Variants in UBE2D2 observed in about 807,000 individuals in gnomAD.
The protein encoded by UBE2D2 is ubiquitin conjugating enzyme E2 D2, also known as ubiquitin-conjugating enzyme E2 D2.
Under a neutral mutation model 24.2 loss-of-function variants are expected in UBE2D2, and 2 were observed. The observed-to-expected ratio is 0.08, with a 90% CI of 0.03 to 0.26. The LOEUF (loss-of-function observed/expected upper bound fraction) is 0.26. Ranked by LOEUF, UBE2D2 falls within the 10% of genes least tolerant of loss-of-function variation. The probability of loss-of-function intolerance (pLI) is 1.00; values close to 1 mark genes in which losing one functional copy is unlikely to be tolerated. For missense variants in UBE2D2, 44 were observed against 177.6 expected (o/e 0.25, Z 4.28); for synonymous variants, 58 against 56.5 (o/e 1.03, Z -0.12).
intron 1 of UBE2D2, among the ~76,000 whole-genome samples, chr5:139,573,741 G>A (rs1205088487): frequency 6.6e-6 from 1 of 151,952 alleles, no homozygotes; most frequent in African/African-American, 2.4e-5. Context: ...AGGCTGAGGC[G>A]GGCGAATCAC....
chr5:139,584,991 C>T (rs1295686555), intron 1 of UBE2D2, among the ~76,000 whole-genome samples: 4 of 151,168 alleles, frequency 2.6e-5, no homozygotes, highest in Admixed American at 6.6e-5. Flanking sequence ...ACCTCCATCT[C>T]TTGGGTTCAA....
chr5:139,537,274 C>T (rs940567475), intron 1 of UBE2D2, among the ~76,000 whole-genome samples: 1 of 151,836 alleles, frequency 6.6e-6, no homozygotes, highest in African/African-American at 2.4e-5. Flanking sequence ...TTATAAACTT[C>T]ATTTTTAATA....
intron 2 of UBE2D2, among the ~76,000 whole-genome samples, chr5:139,604,226 C>A (rs1198502103): frequency 6.7e-6 from 1 of 149,678 alleles, no homozygotes; most frequent in African/African-American, 2.5e-5. Flanking sequence ...CTATAACCTT[C>A]GCCTCGTGGG....
In UBE2D2 at chr5:139,614,082, G is replaced by T. The variant is rs1204822342; in HGVS notation, c.89-504G>T. Among the ~76,000 whole-genome samples the T allele has an allele frequency of 6.8e-5, 10 of 146,154 alleles. No homozygotes were observed. In the South Asian group the frequency reaches 1.7e-3, roughly 25 times the overall value. On this transcript the variant is annotated intron_variant, in intron 2 of 6. Coordinates refer to ENST00000398733, the MANE Select transcript of UBE2D2 (RefSeq NM_003339.3). ...GTCTCAAAAAAAAAAAAAAAAAAAA[G>T]TGTATTATATGTAATTGTTTTGAAG...
At chr5:139,576,192 A>G (rs1010340614) in intron 1 of UBE2D2, among the ~76,000 whole-genome samples, 6 of 152,212 alleles carry the variant, frequency 3.9e-5, no homozygotes, top group African/African-American at 1.2e-4. Context: ...ATAATAAATT[A>G]CCACAAACCG....
chr5:139,538,868 T>TAA (rs113802921), intron 1 of UBE2D2, among the ~76,000 whole-genome samples: 1 of 122,078 alleles, frequency 8.2e-6, no homozygotes, highest in Non-Finnish European at 1.8e-5. Context: ...AAAATCCATC[T>TAA]AAAAAAAAAA....
At chr5:139,560,616 G>A (rs887769362), upstream of UBE2D2, among the ~76,000 whole-genome samples, 2 of 152,230 alleles carry the variant, frequency 1.3e-5, no homozygotes, top group Non-Finnish European at 2.9e-5. Flanking sequence ...ACAGGGGTGA[G>A]TCACCGCGCC....
intron 1 of UBE2D2, among the ~76,000 whole-genome samples, chr5:139,564,599 A>C (rs1315172370): frequency 2.0e-5 from 3 of 150,360 alleles, no homozygotes; most frequent in Non-Finnish European, 4.4e-5. Flanking sequence ...GATTACAGGC[A>C]CTCCGCCGCC....
At position 139,564,132 on chromosome 5, in the gene UBE2D2, TAATAA is replaced by T. The variant is rs1158624028; in HGVS notation, c.24+2321_24+2325del. Among the ~76,000 whole-genome samples, 5 of 152,314 alleles carry T rather than the reference TAATAA, an allele frequency of 3.3e-5. No homozygotes were observed. The South Asian group carries it at 8.3e-4, about 25-fold the overall frequency. Reference sequence around the variant, plus strand: ...AAAATATGCCTTTGTAAGATTTTTTTAATAAAATCAAGTTTAGAAATAATTTGAAC... The same window carrying T: ...AAAATATGCCTTTGTAAGATTTTTTTAATCAAGTTTAGAAATAATTTGAAC... On this transcript the variant is annotated intron_variant, in intron 1 of 6. Coordinates refer to ENST00000398733, the MANE Select transcript of UBE2D2 (RefSeq NM_003339.3).
chr5:139,623,636 G>A, intron 6 of UBE2D2, 175 bp downstream of exon 6: 2 of 459,512 alleles, frequency 4.4e-6, no homozygotes, highest in South Asian at 5.2e-5. Context: ...AGTAGATGAT[G>A]CCAGTCTTAT....
upstream of UBE2D2, chr5:139,561,066 T>C (rs983648336): frequency 6.5e-6 from 1 of 152,672 alleles, no homozygotes; most frequent in Non-Finnish European, 1.5e-5. Context: ...ATTGATCTTT[T>C]GTGACACGCG....
chr5:139,576,472 G>A (rs1454011922), intron 1 of UBE2D2, among the ~76,000 whole-genome samples: 1 of 151,820 alleles, frequency 6.6e-6, no homozygotes, highest in African/African-American at 2.4e-5. Context: ...GCCCATCCAC[G>A]TAACCCAAAG....
intron 1 of UBE2D2, among the ~76,000 whole-genome samples, chr5:139,576,657 G>A (rs1489407163): frequency 1.3e-5 from 2 of 151,936 alleles, no homozygotes; most frequent in Non-Finnish European, 2.9e-5. Flanking sequence ...ATGAGCCACT[G>A]CGCCCAGCCA....
At chr5:139,587,664 C>A (rs1199396163) in intron 1 of UBE2D2, among the ~76,000 whole-genome samples, 1 of 144,200 alleles carries the variant, frequency 6.9e-6, no homozygotes, top group Non-Finnish European at 1.5e-5. Context: ...CAGAGCAAGA[C>A]CCCATCTCAA....
intron 1 of UBE2D2, among the ~76,000 whole-genome samples, chr5:139,594,319 G>T (rs976670580): frequency 1.3e-5 from 2 of 152,064 alleles, no homozygotes; most frequent in African/African-American, 2.4e-5. Context: ...AATTTAGAGG[G>T]TTTCTTTTTG....
upstream of UBE2D2, among the ~76,000 whole-genome samples, chr5:139,560,621 C>A (rs540529646): frequency 6.6e-6 from 1 of 152,166 alleles, no homozygotes; most frequent in African/African-American, 2.4e-5. Flanking sequence ...GGTGAGTCAC[C>A]GCGCCCAGCC....
rs1244516681 is a variant in UBE2D2 at position 139,561,633 on chromosome 5, C to T, written c.-159C>T. On this transcript the variant is annotated 5_prime_UTR_variant, in exon 1 of 7. Transcript: ENST00000398733. Reference sequence around the variant, plus strand: ...CGGCAGGCCCAGGAGCTGAGTGGGCCCCGGCCCTCAGCCCGTCCCGCCGGA... The same window carrying T: ...CGGCAGGCCCAGGAGCTGAGTGGGCTCCGGCCCTCAGCCCGTCCCGCCGGA... The T allele has an allele frequency of 3.8e-6, 2 of 521,826 alleles. No homozygotes were observed. Among genetic ancestry groups the T allele is most frequent in the East Asian group, 3.5e-5 (1 of 28,394 alleles). 32.3% of individuals were successfully genotyped at this position (521,826 alleles called of 1,614,324 possible).
intron 1 of UBE2D2, among the ~76,000 whole-genome samples, chr5:139,567,248 C>T (rs1753245771): frequency 6.6e-6 from 1 of 151,938 alleles, no homozygotes; most frequent in African/African-American, 2.4e-5. Context: ...TACAAGCTCG[C>T]ACCACCACGC....
At chr5:139,586,861 T>C (rs973825905) in intron 1 of UBE2D2, among the ~76,000 whole-genome samples, 5 of 152,268 alleles carry the variant, frequency 3.3e-5, no homozygotes, top group African/African-American at 1.2e-4. Flanking sequence ...AACAGAATTT[T>C]AGTCCGTTTA....
Sources: gnomAD v4.1 joint callset for allele counts (sites outside exome capture counted in the v4.1 genomes callset) on GRCh38, gnomAD v4.1.1 for gene constraint, MANE v1.5 for transcripts, NCBI Gene and HGNC (gene_info 2026-07-23, HGNC 2026-07-21) for gene names.